Variants in MECOM observed in about 807,000 individuals in gnomAD.
MECOM encodes histone-lysine N-methyltransferase MECOM.
A neutral mutation model predicts 116.3 loss-of-function variants in MECOM; 13 were observed. The observed-to-expected ratio is 0.11, with a 90% CI of 0.07 to 0.18. The LOEUF is 0.18. Ranked by LOEUF, MECOM falls within the 10% of genes least tolerant of loss-of-function variation. The pLI is 1.00. For missense variants in MECOM, 1,299 were observed against 1,509.0 expected (o/e 0.86, Z 2.31); for synonymous variants, 528 against 535.2 (o/e 0.99, Z 0.19).
chr3:169,393,640 G>A (rs1056117094), intron 1 of MECOM, among the ~76,000 whole-genome samples: 1 of 151,990 alleles, frequency 6.6e-6, no homozygotes, highest in African/African-American at 2.4e-5. Flanking sequence ...TTAGATCCAG[G>A]TGTTATTCAC....
At chr3:169,261,741 G>A (rs1246768001) in intron 2 of MECOM, among the ~76,000 whole-genome samples, 1 of 103,050 alleles carries the variant, frequency 9.7e-6, no homozygotes, top group Non-Finnish European at 1.7e-5. Context: ...GAAGGAGAAG[G>A]AGAAAAGAAG....
intron 2 of MECOM, among the ~76,000 whole-genome samples, chr3:169,284,087 G>A (rs1157655679): frequency 2.6e-5 from 4 of 152,298 alleles, no homozygotes; most frequent in African/African-American, 7.2e-5. Context: ...AATTGCTGGT[G>A]CCAGGCTTTG....
At position 169,536,402 on chromosome 3, in the gene MECOM, A is replaced by G. The variant is rs1249442112; in HGVS notation, c.37+126934T>C. Among the ~76,000 whole-genome samples, 6 of 134,254 alleles carry G rather than the reference A, an allele frequency of 4.5e-5. No individual in the cohort carries two copies. The East Asian group carries it at 1.1e-3, about 25-fold the overall frequency. 88.1% of individuals were successfully genotyped at this position (134,254 alleles called of 152,430 possible). A position where few individuals can be genotyped will look rare whatever the true frequency, so the allele number is the denominator to read the frequency against. ...TTAAGATCAGCATTGGCATCTTCCCACTAATAACCTGGGGTATAGTCAACT... is the reference window on the plus strand; with the variant it reads ...TTAAGATCAGCATTGGCATCTTCCCGCTAATAACCTGGGGTATAGTCAACT... On this transcript the variant is annotated intron_variant, in intron 1 of 16. Coordinates refer to ENST00000651503, the MANE Select transcript of MECOM (RefSeq NM_004991.4).
chr3:169,348,916 A>C (rs1255144841), intron 2 of MECOM, among the ~76,000 whole-genome samples: 3 of 151,892 alleles, frequency 2.0e-5, no homozygotes, highest in African/African-American at 4.8e-5. Flanking sequence ...TTTATTTTTC[A>C]AATATTGAGT....
At chr3:169,229,444 C>T (rs140814946) in intron 2 of MECOM, among the ~76,000 whole-genome samples, 23 of 152,078 alleles carry the variant, frequency 1.5e-4, no homozygotes, top group Non-Finnish European at 2.6e-4. Context: ...ATCAGAGTTT[C>T]CAGGGACTGG....
intron 2 of MECOM, among the ~76,000 whole-genome samples, chr3:169,295,342 C>T (rs780644251): frequency 1.2e-4 from 18 of 152,128 alleles, no homozygotes; most frequent in South Asian, 1.0e-3. Context: ...TGGCAGCATA[C>T]CCAAATTTCA....
chr3:169,592,338 T>A (rs1766527776), intron 1 of MECOM, among the ~76,000 whole-genome samples: 1 of 152,190 alleles, frequency 6.6e-6, no homozygotes, highest in Admixed American at 6.5e-5. Context: ...GCCTCTTCCT[T>A]TCTGACTTTC....
intron 2 of MECOM, among the ~76,000 whole-genome samples, chr3:169,160,522 TA>T (rs1372619023): frequency 2.7e-5 from 4 of 148,354 alleles, no homozygotes; most frequent in South Asian, 2.1e-4. Flanking sequence ...TATTGTATAA[TA>T]ATATATTAGT....
chr3:169,284,630 CAT>C (rs918123466), intron 2 of MECOM, among the ~76,000 whole-genome samples: 1 of 151,356 alleles, frequency 6.6e-6, no homozygotes, highest in Non-Finnish European at 1.5e-5. Context: ...GATAAATATC[CAT>C]ATATATATGC....
intron 2 of MECOM, among the ~76,000 whole-genome samples, chr3:169,262,565 C>T (rs974430129): frequency 1.3e-5 from 2 of 152,058 alleles, no homozygotes; most frequent in Admixed American, 1.3e-4. Flanking sequence ...CCACGGGTCA[C>T]GTTAGGCTGG....
At chr3:169,359,122 T>C (rs1727781042) in intron 2 of MECOM, among the ~76,000 whole-genome samples, 1 of 151,838 alleles carries the variant, frequency 6.6e-6, no homozygotes, top group Admixed American at 6.6e-5. Flanking sequence ...AAAGTTTTAA[T>C]ATTTTAAGTG....
rs575725392 is a variant in MECOM, at chr3:169,199,169, G to A, written c.376-55337C>T. 5.9e-5 allele frequency among the ~76,000 whole-genome samples: 9 copies of A among 152,188 alleles called. No homozygotes were observed. The South Asian group carries it at 6.2e-4, about 11-fold the overall frequency. ...TTTGAAGTAGAAATTAATTTTGGAA[G>A]CAATGAAGAGCAAAATAAAGACTTA... On this transcript the variant is annotated intron_variant, in intron 2 of 16. Coordinates refer to ENST00000651503, the MANE Select transcript of MECOM (RefSeq NM_004991.4).
chr3:169,210,783 A>ATT (rs1750621416), intron 2 of MECOM, among the ~76,000 whole-genome samples: 1 of 151,870 alleles, frequency 6.6e-6, no homozygotes, highest in Non-Finnish European at 1.5e-5. Flanking sequence ...TTTCCACCCA[A>ATT]CCCTAAATAA....
chr3:169,201,500 C>G (rs975715754), intron 2 of MECOM, among the ~76,000 whole-genome samples: 2 of 152,026 alleles, frequency 1.3e-5, no homozygotes, highest in Admixed American at 1.3e-4. Context: ...ACTTCCCATA[C>G]CCTCAAGCTA....
intron 2 of MECOM, among the ~76,000 whole-genome samples, chr3:169,216,464 CT>C (rs147624084): frequency 4.5e-4 from 69 of 152,178 alleles, no homozygotes; most frequent in Middle Eastern, 3.4e-3. Flanking sequence ...CATCTGACCA[CT>C]GGCTGCCAGG....
At chr3:169,651,701 G>C (rs1320144306) in intron 1 of MECOM, among the ~76,000 whole-genome samples, 1 of 151,748 alleles carries the variant, frequency 6.6e-6, no homozygotes, top group African/African-American at 2.4e-5. Context: ...TCAGATGATG[G>C]GTGCACCAAA....
rs181538661 is a variant in MECOM, at chr3:169,298,952, A to T, written c.375+82235T>A. ...TTTCGAACTATAATAGGGGAAACTT[A>T]GAAACGAATCCAGATACCACCATGG... On this transcript the variant is annotated intron_variant, in intron 2 of 16. Coordinates refer to ENST00000651503, the MANE Select transcript of MECOM (RefSeq NM_004991.4). 9.8e-3 allele frequency among the ~76,000 whole-genome samples: 1,494 copies of T among 152,372 alleles called. 12 individuals are homozygous for T. The highest frequency in any genetic ancestry group is 0.016 in the Non-Finnish European group (1,065 of 68,030).
intron 2 of MECOM, among the ~76,000 whole-genome samples, chr3:169,224,562 A>C (rs1270270611): frequency 6.6e-6 from 1 of 152,220 alleles, no homozygotes; most frequent in East Asian, 1.9e-4. Flanking sequence ...CCTTTCCTTC[A>C]GTCATCATCT....
intron 2 of MECOM, among the ~76,000 whole-genome samples, chr3:169,341,493 A>G (rs180895255): frequency 4.0e-5 from 6 of 151,596 alleles, no homozygotes; most frequent in African/African-American, 4.8e-5. Flanking sequence ...TGTAAGCCCA[A>G]CACTTTGGGA....
Sources: gnomAD v4.1 joint callset for allele counts (sites outside exome capture counted in the v4.1 genomes callset) on GRCh38, gnomAD v4.1.1 for gene constraint, MANE v1.5 for transcripts, NCBI Gene and HGNC (gene_info 2026-07-23, HGNC 2026-07-21) for gene names.